The following NEBL variants were observed in gnomAD, a reference collection of about 807,000 sequenced individuals.
The protein encoded by NEBL is nebulette.
Under a neutral mutation model 140.2 loss-of-function variants are expected in NEBL, and 122 were observed. The observed-to-expected ratio is 0.87, with a 90% CI of 0.75 to 1.01. The LOEUF (loss-of-function observed/expected upper bound fraction) is 1.01. Ranked by LOEUF, NEBL falls within the 50% of genes least tolerant of loss-of-function variation. NEBL has a pLI of 0.00. For missense variants in NEBL, 1,365 were observed against 1,231.3 expected (o/e 1.11, Z -1.62); for synonymous variants, 436 against 398.9 (o/e 1.09, Z -1.11).
intron 2 of NEBL, among the ~76,000 whole-genome samples, chr10:21,100,280 C>T (rs1031339519): frequency 1.3e-5 from 2 of 152,202 alleles, no homozygotes; most frequent in African/African-American, 4.8e-5. Flanking sequence ...TCCTTTTCCA[C>T]GCTGTGCTGT....
intron 2 of NEBL, among the ~76,000 whole-genome samples, chr10:21,077,762 C>T (rs1836168452): frequency 6.6e-6 from 1 of 151,948 alleles, no homozygotes; most frequent in Non-Finnish European, 1.5e-5. Context: ...TCATAAATCC[C>T]CTAGCACTTG....
intron 3 of NEBL, among the ~76,000 whole-genome samples, chr10:20,888,819 C>T (rs1846770408): frequency 6.6e-6 from 1 of 152,214 alleles, no homozygotes; most frequent in Non-Finnish European, 1.5e-5. Context: ...CTTCAGGAAA[C>T]ATAATCAATA....
At chr10:20,945,419 A>G (rs1835106626) in intron 4 of NEBL, among the ~76,000 whole-genome samples, 1 of 152,234 alleles carries the variant, frequency 6.6e-6, no homozygotes, top group Non-Finnish European at 1.5e-5. Flanking sequence ...AAGCTCAGAA[A>G]AGGTACCTTC....
intron 2 of NEBL, among the ~76,000 whole-genome samples, chr10:20,893,206 A>G (rs1027367437): frequency 2.0e-5 from 3 of 152,110 alleles, no homozygotes; most frequent in Non-Finnish European, 4.4e-5. Context: ...CTTTTGCCCA[A>G]TCTTTTTTAT....
chr10:20,889,760 C>T (rs1846857765), intron 3 of NEBL, 85 bp downstream of exon 3: 11 of 842,914 alleles, frequency 1.3e-5, no homozygotes. Context: ...AAATATTATT[C>T]TTCATCTCTT....
At chr10:21,024,509 C>CA (rs35574671) in intron 2 of NEBL, among the ~76,000 whole-genome samples, 5,465 of 116,448 alleles carry the variant, frequency 0.047, 132 homozygotes, top group Middle Eastern at 0.099. Flanking sequence ...TAAGATCTTC[C>CA]AAAAAAAAAA....
At position 20,809,810 on chromosome 10, in the gene NEBL, G is replaced by C. The variant is rs773544548; in HGVS notation, c.2607C>G (p.Leu869=). Residue 869 remains leucine (L), a synonymous_variant, in exon 25 of 28, where the codon CTC becomes CTG. Coordinates refer to ENST00000377122, the MANE Select transcript of NEBL (RefSeq NM_006393.3). ...DNIQSRSLHM[L]SEKASHYRRH... ...GAACTAAAAAGTGAGTAATACCAGAGAGCATATGGAGACTTCTAGACTGAA... is the reference window on the plus strand; with the variant it reads ...GAACTAAAAAGTGAGTAATACCAGACAGCATATGGAGACTTCTAGACTGAA... 12 of 1,603,678 alleles carry C rather than the reference G, an allele frequency of 7.5e-6. No individual in the cohort carries two copies. Among genetic ancestry groups the C allele is most frequent in the Non-Finnish European group, 9.4e-6 (11 of 1,170,748 alleles).
chr10:20,795,990 A>G (rs1383868694), intron 26 of NEBL, among the ~76,000 whole-genome samples: 1 of 152,228 alleles, frequency 6.6e-6, no homozygotes, highest in Non-Finnish European at 1.5e-5. Flanking sequence ...GGAAACATAC[A>G]TACTTTGTAC....
In NEBL at chr10:20,787,323, TAC is replaced by T. The variant is rs768893131; in HGVS notation, c.2762-17_2762-16del. ...AAGAACAGGTGCTGCATGTTAAACATACACACACACAAAGATTCCTTAAAGTT... is the reference window on the plus strand; with the variant it reads ...AAGAACAGGTGCTGCATGTTAAACATACACACACAAAGATTCCTTAAAGTT... On this transcript the variant is annotated splice_polypyrimidine_tract_variant and intron_variant, in intron 26 of 27. Transcript: ENST00000377122. 7 of 1,584,358 alleles carry T rather than the reference TAC, an allele frequency of 4.4e-6. No individual in the cohort carries two copies. The highest frequency in any genetic ancestry group is 5.2e-6 in the Non-Finnish European group (6 of 1,154,794).
At chr10:20,921,056 A>C (rs1249870572) in intron 4 of NEBL, among the ~76,000 whole-genome samples, 1 of 152,248 alleles carries the variant, frequency 6.6e-6, no homozygotes, top group Non-Finnish European at 1.5e-5. Context: ...GAATCAAAAA[A>C]GTAGAAAGAA....
rs576887082 is a variant in NEBL, at chr10:21,189,621, C to T, written n.349-17144G>A. The stretch of plus-strand genomic sequence containing the variant: ...CTGGGACTACAGGCGCCCGCCACCG[C>T]GCCCAGCTAATTTTTTTGTATTTTT... On this transcript the variant is annotated intron_variant and non_coding_transcript_variant, in intron 3 of 8. Transcript: ENST00000675702. Among the ~76,000 whole-genome samples the T allele has an allele frequency of 5.5e-3, 835 of 151,512 alleles. 4 individuals carry two copies. Among genetic ancestry groups the T allele is most frequent in the Middle Eastern group, 0.01 (3 of 294 alleles).
At position 20,780,367 on chromosome 10, in the gene NEBL, A is replaced by T. The variant is rs902580627; in HGVS notation, c.*5380T>A. ...TGAAATAAATTAACTACAATGATGC[A>T]TTGTTGCGGTACTTTGATATAAAAT... On this transcript the variant is annotated 3_prime_UTR_variant, in exon 28 of 28. Coordinates refer to ENST00000377122, the MANE Select transcript of NEBL (RefSeq NM_006393.3). 3.3e-5 allele frequency: 5 copies of T among 152,230 alleles called. No homozygotes were observed. Among genetic ancestry groups the T allele is most frequent in the Non-Finnish European group, 7.3e-5 (5 of 68,048 alleles). 9.4% of individuals were successfully genotyped at this position (152,230 alleles called of 1,614,324 possible).
intron 3 of NEBL, among the ~76,000 whole-genome samples, chr10:20,989,835 G>A (rs765034787): frequency 6.6e-6 from 1 of 152,104 alleles, no homozygotes; most frequent in Non-Finnish European, 1.5e-5. Flanking sequence ...GAGGTTGGGG[G>A]GTGGGCTGTG....
chr10:21,032,039 T>C (rs1298150819), intron 2 of NEBL, among the ~76,000 whole-genome samples: 1 of 152,170 alleles, frequency 6.6e-6, no homozygotes, highest in Non-Finnish European at 1.5e-5. Context: ...TAGGAAATGG[T>C]ATAAGAAGCT....
chr10:20,824,571 T>C (rs988093079), intron 18 of NEBL, among the ~76,000 whole-genome samples: 7 of 152,224 alleles, frequency 4.6e-5, no homozygotes, highest in Admixed American at 6.5e-5. Flanking sequence ...GAATCATATC[T>C]TGGTTTGACA....
At chr10:20,925,923 T>C (rs1045711968) in intron 4 of NEBL, among the ~76,000 whole-genome samples, 3 of 152,172 alleles carry the variant, frequency 2.0e-5, no homozygotes, top group African/African-American at 7.2e-5. Context: ...ATTCAGTAGG[T>C]GTCCTGGAAA....
chr10:21,017,253 C>G (rs1651262493), intron 3 of NEBL, among the ~76,000 whole-genome samples: 1 of 152,100 alleles, frequency 6.6e-6, no homozygotes, highest in Admixed American at 6.5e-5. Flanking sequence ...AAATTATGTC[C>G]TTGGAATACA....
At chr10:21,020,881 G>A (rs775876822) in intron 2 of NEBL, among the ~76,000 whole-genome samples, 6 of 151,958 alleles carry the variant, frequency 3.9e-5, no homozygotes, top group African/African-American at 1.2e-4. Context: ...CCATCACCTG[G>A]GGATCACATC....
intron 2 of NEBL, among the ~76,000 whole-genome samples, chr10:20,896,106 C>A (rs1228388888): frequency 6.6e-6 from 1 of 151,994 alleles, no homozygotes; most frequent in Non-Finnish European, 1.5e-5. Flanking sequence ...TTATTATCAA[C>A]AACAGAAACA....
Sources: gnomAD v4.1 joint callset for allele counts (sites outside exome capture counted in the v4.1 genomes callset) on GRCh38, gnomAD v4.1.1 for gene constraint, MANE v1.5 for transcripts, NCBI Gene and HGNC (gene_info 2026-07-23, HGNC 2026-07-21) for gene names.